The following HS6ST2 variants were observed in gnomAD, a reference collection of about 807,000 sequenced individuals.
The protein encoded by HS6ST2 is heparan-sulfate 6-O-sulfotransferase 2.
HS6ST2 carries 17 observed loss-of-function variants against 33.0 expected under a neutral mutation model. The observed-to-expected ratio is 0.52, with a 90% CI of 0.35 to 0.77. HS6ST2 has a LOEUF of 0.77. Among genes scored for constraint, HS6ST2 ranks in the 30% least tolerant of loss-of-function variants. The probability of loss-of-function intolerance (pLI) is 0.01; values close to 1 mark genes in which losing one functional copy is unlikely to be tolerated. For missense variants in HS6ST2, 519 were observed against 551.7 expected (o/e 0.94, Z 0.59); for synonymous variants, 248 against 237.1 (o/e 1.05, Z -0.42).
chrX:132,954,136 T>G (rs2067043299), intron 2 of HS6ST2, among the ~76,000 whole-genome samples: 1 of 112,206 alleles, frequency 8.9e-6, no homozygotes, highest in African/African-American at 3.2e-5. Flanking sequence ...ATACCAGAGA[T>G]AAGGGATATG....
chrX:132,875,614 T>C (rs1217864676), intron 2 of HS6ST2, among the ~76,000 whole-genome samples: 1 of 112,361 alleles, frequency 8.9e-6, no homozygotes, highest in African/African-American at 3.2e-5. Context: ...AAGTTTACAA[T>C]TGGCACAGAT....
intron 2 of HS6ST2, among the ~76,000 whole-genome samples, chrX:132,889,994 A>C (rs1240731368): frequency 9.0e-6 from 1 of 111,580 alleles, no homozygotes; most frequent in Non-Finnish European, 1.9e-5. Flanking sequence ...TTTCTCCTCC[A>C]CTAACTGAAA....
intron 2 of HS6ST2, among the ~76,000 whole-genome samples, chrX:132,710,322 A>G (rs757490597): frequency 8.0e-5 from 9 of 112,215 alleles, no homozygotes; most frequent in Non-Finnish European, 1.1e-4. Context: ...CATTTTATGC[A>G]TACACACACA....
intron 2 of HS6ST2, among the ~76,000 whole-genome samples, chrX:132,860,700 G>A (rs1417263092): frequency 9.3e-6 from 1 of 108,090 alleles, no homozygotes; most frequent in East Asian, 3.0e-4. Flanking sequence ...ATAAAAACAA[G>A]TCCCATGACC....
At position 132,670,124 on chromosome X, in the gene HS6ST2, T is replaced by A. The variant is rs770303751; in HGVS notation, c.981-925A>T. Among the ~76,000 whole-genome samples, 5 of 111,289 alleles carry A rather than the reference T, an allele frequency of 4.5e-5. No homozygotes were observed. The South Asian group carries it at 1.9e-3, about 43-fold the overall frequency. On this transcript the variant is annotated intron_variant, in intron 3 of 4. Coordinates refer to ENST00000370833, the MANE Select transcript of HS6ST2 (RefSeq NM_001394073.1). ...TTTTTTTTTTTTTGTTAGTAAGTTCTACGTCAGCATAACCTTTTATAAAAA... is the reference window on the plus strand; with the variant it reads ...TTTTTTTTTTTTTGTTAGTAAGTTCAACGTCAGCATAACCTTTTATAAAAA...
intron 2 of HS6ST2, among the ~76,000 whole-genome samples, chrX:132,873,566 T>C (rs974382649): frequency 2.7e-5 from 3 of 112,115 alleles, no homozygotes; most frequent in Non-Finnish European, 3.8e-5. Flanking sequence ...CCCAGCACTG[T>C]GTATGCATAA....
chrX:132,663,831 T>A (rs146831942), intron 4 of HS6ST2, among the ~76,000 whole-genome samples: 3,795 of 111,290 alleles, frequency 0.034, 75 homozygotes, highest in Non-Finnish European at 0.053. Flanking sequence ...TTAGCAACAG[T>A]CACAACCCAA....
chrX:132,942,020 T>G (rs1357007074), intron 2 of HS6ST2, among the ~76,000 whole-genome samples: 3 of 111,950 alleles, frequency 2.7e-5, no homozygotes, highest in African/African-American at 9.7e-5. Context: ...GTTCATGAAG[T>G]TTTTTATTGA....
chrX:132,692,047 G>A, intron 3 of HS6ST2, among the ~76,000 whole-genome samples: 1 of 112,222 alleles, frequency 8.9e-6, no homozygotes, highest in Middle Eastern at 4.6e-3. Context: ...GACAGGGGAA[G>A]TTAGTTGTTT....
chrX:132,792,188 T>C (rs1426479995), intron 2 of HS6ST2, among the ~76,000 whole-genome samples: 3 of 112,255 alleles, frequency 2.7e-5, no homozygotes, highest in Non-Finnish European at 5.6e-5. Context: ...TCCTCAATGA[T>C]AGAGCACCTA....
At chrX:132,838,988 G>A (rs769418641) in intron 2 of HS6ST2, among the ~76,000 whole-genome samples, 1 of 104,315 alleles carries the variant, frequency 9.6e-6, no homozygotes, top group Admixed American at 1.1e-4. Flanking sequence ...ACAGATGTTG[G>A]CAAGAATGCA....
chrX:132,757,966 C>T (rs144084446), intron 2 of HS6ST2, among the ~76,000 whole-genome samples: 1 of 111,666 alleles, frequency 9.0e-6, no homozygotes, highest in African/African-American at 3.3e-5. Context: ...AATCTCCTAC[C>T]GAGTGAATAG....
At chrX:132,637,880 ATATATAATATT>A in intron 4 of HS6ST2, among the ~76,000 whole-genome samples, 1 of 52,551 alleles carries the variant, frequency 1.9e-5, no homozygotes, top group Admixed American at 3.1e-4. Context: ...TATATAATAT[ATATATAATATT>A]TTATATATAA....
chrX:132,901,545 A>T (rs1209747897), intron 2 of HS6ST2, among the ~76,000 whole-genome samples: 2 of 109,572 alleles, frequency 1.8e-5, no homozygotes, highest in African/African-American at 3.3e-5. Context: ...GCAGGGAGTC[A>T]TATGCTAAGA....
At chrX:132,644,427 CAA>C (rs2063626678) in intron 4 of HS6ST2, among the ~76,000 whole-genome samples, 1 of 111,318 alleles carries the variant, frequency 9.0e-6, no homozygotes, top group Non-Finnish European at 1.9e-5. Context: ...ACAAAGGAGG[CAA>C]CTTTCCCAAG....
chrX:132,953,124 G>A (rs1408695661), intron 2 of HS6ST2, among the ~76,000 whole-genome samples: 2 of 111,089 alleles, frequency 1.8e-5, no homozygotes, highest in Non-Finnish European at 3.8e-5. Flanking sequence ...CACTAGAGTT[G>A]GCTACAAACA....
At chrX:132,864,556 A>G (rs1488264505) in intron 2 of HS6ST2, among the ~76,000 whole-genome samples, 1 of 109,397 alleles carries the variant, frequency 9.1e-6, no homozygotes, top group Non-Finnish European at 1.9e-5. Context: ...TGGAAAAAAA[A>G]AGAAAAGAAT....
chrX:132,823,716 A>C (rs1467555866), intron 2 of HS6ST2, among the ~76,000 whole-genome samples: 1 of 105,511 alleles, frequency 9.5e-6, no homozygotes, highest in Non-Finnish European at 1.9e-5. Context: ...AAAAAAAAAA[A>C]AAAACCCACC....
At chrX:132,891,717 C>A (rs1452124943) in intron 2 of HS6ST2, among the ~76,000 whole-genome samples, 6 of 111,666 alleles carry the variant, frequency 5.4e-5, no homozygotes, top group African/African-American at 9.7e-5. Flanking sequence ...ACATGAACTC[C>A]TCATTTTTTA....
Sources: gnomAD v4.1 joint callset for allele counts (sites outside exome capture counted in the v4.1 genomes callset) on GRCh38, gnomAD v4.1.1 for gene constraint, MANE v1.5 for transcripts, NCBI Gene and HGNC (gene_info 2026-07-23, HGNC 2026-07-21) for gene names.